The following ARMH3 variants were observed in gnomAD, a reference collection of about 807,000 sequenced individuals.
ARMH3 encodes the protein armadillo like helical domain containing 3.
Under a neutral mutation model 99.1 loss-of-function variants are expected in ARMH3, and 60 were observed. The observed-to-expected ratio is 0.61, with a 90% confidence interval of 0.49 to 0.75. The LOEUF is 0.75. ARMH3 is among the 30% of genes least tolerant of loss of function. ARMH3 has a pLI of 0.00. For missense variants in ARMH3, 679 were observed against 843.1 expected, an observed-to-expected ratio of 0.81 and a Z score of 2.41; for synonymous variants, 285 against 292.8, an observed-to-expected ratio of 0.97 and a Z score of 0.27.
rs1444137858 is a variant in ARMH3, at chr10:101,920,361, T to C, written c.1781+19502A>G. ...TTGTCCAGAGAATTCTAAGTGTCTC[T>C]GGTTTGTCCAGAGAACTCCAGGTGG... On this transcript the variant is annotated intron_variant, in intron 23 of 25. Coordinates refer to ENST00000370033, the MANE Select transcript of ARMH3 (RefSeq NM_024541.3). Among the ~76,000 whole-genome samples, 3 of 152,198 alleles carry C rather than the reference T, an allele frequency of 2.0e-5. No homozygotes were observed. In the East Asian group the frequency reaches 5.8e-4, roughly 29 times the overall value.
intron 23 of ARMH3, among the ~76,000 whole-genome samples, chr10:101,925,240 C>T (rs550391383): frequency 4.7e-4 from 71 of 152,242 alleles, no homozygotes; most frequent in East Asian, 2.1e-3. Context: ...CCATATCATG[C>T]GTATAAATAG....
chr10:102,005,456 T>C (rs6584469), intron 14 of ARMH3, among the ~76,000 whole-genome samples: 84,597 of 150,974 alleles, frequency 0.56, 23,867 homozygotes, highest in East Asian at 0.75. Flanking sequence ...TGCTACCATA[T>C]ATATAACTAA....
intron 20 of ARMH3, among the ~76,000 whole-genome samples, chr10:101,958,771 T>C (rs1404674966): frequency 1.3e-5 from 2 of 152,106 alleles, no homozygotes; most frequent in African/African-American, 4.8e-5. Flanking sequence ...TGTGTGAAGT[T>C]TACTACTCTT....
chr10:101,963,042 C>A (rs1845370069), intron 20 of ARMH3, among the ~76,000 whole-genome samples: 1 of 151,056 alleles, frequency 6.6e-6, no homozygotes, highest in South Asian at 2.1e-4. Context: ...TGATCTTGTC[C>A]CACTGCAACC....
At chr10:101,964,484 T>C (rs903077643) in intron 20 of ARMH3, among the ~76,000 whole-genome samples, 32 of 152,122 alleles carry the variant, frequency 2.1e-4, no homozygotes, top group African/African-American at 7.7e-4. Flanking sequence ...AACCCAAATG[T>C]CCATCAAAAG....
chr10:101,888,618 G>A (rs1472448615), intron 24 of ARMH3, among the ~76,000 whole-genome samples: 1 of 152,234 alleles, frequency 6.6e-6, no homozygotes, highest in African/African-American at 2.4e-5. Context: ...GGCAAAAAAG[G>A]AAGAACAGGG....
chr10:101,965,240 A>G (rs1845482136), intron 20 of ARMH3, among the ~76,000 whole-genome samples: 1 of 152,198 alleles, frequency 6.6e-6, no homozygotes. Context: ...GACACTCCCA[A>G]CAGCCTCACA....
At chr10:102,039,238 G>T (rs1054886290) in intron 2 of ARMH3, among the ~76,000 whole-genome samples, 1 of 151,830 alleles carries the variant, frequency 6.6e-6, no homozygotes, top group African/African-American at 2.4e-5. Flanking sequence ...TCTGCCTCCC[G>T]GGTTCAAGTG....
chr10:101,977,075 C>A (rs1053506711), intron 19 of ARMH3, among the ~76,000 whole-genome samples: 3 of 151,982 alleles, frequency 2.0e-5, no homozygotes, highest in African/African-American at 7.2e-5. Flanking sequence ...TTGTGCTAAC[C>A]ACCTTTCAAG....
At chr10:101,960,931 C>G (rs1261211539) in intron 20 of ARMH3, among the ~76,000 whole-genome samples, 2 of 150,704 alleles carry the variant, frequency 1.3e-5, no homozygotes, top group African/African-American at 2.4e-5. Flanking sequence ...AATAAAGGTG[C>G]GAGATCAAGC....
intron 11 of ARMH3, among the ~76,000 whole-genome samples, chr10:102,010,363 C>G (rs971392563): frequency 1.3e-5 from 2 of 152,224 alleles, no homozygotes; most frequent in African/African-American, 4.8e-5. Flanking sequence ...ACCTACACAT[C>G]TTCATCACTC....
intron 23 of ARMH3, among the ~76,000 whole-genome samples, chr10:101,911,136 G>A (rs1178788739): frequency 3.3e-5 from 5 of 149,360 alleles, no homozygotes; most frequent in African/African-American, 9.9e-5. Flanking sequence ...GTGAGATTCC[G>A]TACCAAAAAA....
intron 24 of ARMH3, among the ~76,000 whole-genome samples, chr10:101,888,189 A>C (rs1481961064): frequency 6.6e-6 from 1 of 152,122 alleles, no homozygotes; most frequent in Non-Finnish European, 1.5e-5. Flanking sequence ...ATGATATAGT[A>C]AAATTAATGT....
chr10:101,928,794 G>A (rs1358553798), intron 23 of ARMH3, among the ~76,000 whole-genome samples: 9 of 152,254 alleles, frequency 5.9e-5, no homozygotes, highest in Non-Finnish European at 1.3e-4. Context: ...GCAATGGTGC[G>A]ATCTCGGCTC....
At chr10:101,944,063 CAAAA>C (rs1221438055) in intron 22 of ARMH3, among the ~76,000 whole-genome samples, 1 of 66,650 alleles carries the variant, frequency 1.5e-5, no homozygotes. Context: ...GACTCCATCT[CAAAA>C]AAAAAAAAAA....
chr10:101,903,441 G>A (rs1274102438), intron 23 of ARMH3, among the ~76,000 whole-genome samples: 1 of 152,224 alleles, frequency 6.6e-6, no homozygotes, highest in Non-Finnish European at 1.5e-5. Context: ...TTATGATGTG[G>A]TAAAGGCTAA....
chr10:102,023,605 G>T (rs779116417), intron 7 of ARMH3, 42 bp from the exon 8 acceptor site: 10 of 1,610,022 alleles, frequency 6.2e-6, no homozygotes, highest in African/African-American at 1.3e-5. Flanking sequence ...CTAACTCCTG[G>T]TTCCTGAGAA....
chr10:101,878,130 C>T (rs554804317), intron 24 of ARMH3, among the ~76,000 whole-genome samples: 12 of 152,014 alleles, frequency 7.9e-5, no homozygotes, highest in African/African-American at 2.2e-4. Flanking sequence ...GTGGTAAGTG[C>T]GCCTGTAATC....
In ARMH3 at chr10:101,973,540, A is replaced by G. The variant is rs78384280; in HGVS notation, c.1495+1672T>C. ...AGAGCAGAGGATACAAAATGGGGAT[A>G]GGAGGAGAATAACAGGAAGCCCTGA... On this transcript the variant is annotated intron_variant, in intron 20 of 25. Transcript: ENST00000370033. 4.2e-3 allele frequency among the ~76,000 whole-genome samples: 645 copies of G among 152,304 alleles called. 9 individuals carry two copies. The highest frequency in any genetic ancestry group is 0.014 in the African/African-American group (598 of 41,552).
Sources: gnomAD v4.1 joint callset for allele counts (sites outside exome capture counted in the v4.1 genomes callset) on GRCh38, gnomAD v4.1.1 for gene constraint, MANE v1.5 for transcripts, NCBI Gene and HGNC (gene_info 2026-07-23, HGNC 2026-07-21) for gene names.